The following ITGB1 variants were observed in gnomAD, a reference collection of about 807,000 sequenced individuals.
The protein encoded by ITGB1 is integrin subunit beta 1, also known as integrin beta-1.
A neutral mutation model predicts 86.5 loss-of-function variants in ITGB1; 24 were observed. The observed-to-expected ratio is 0.28, with a 90% confidence interval of 0.20 to 0.39. The LOEUF (loss-of-function observed/expected upper bound fraction) is 0.39, where lower values mean the gene tolerates loss of function less well. Among genes scored for constraint, ITGB1 ranks in the 10% least tolerant of loss-of-function variants. The pLI is 1.00. For synonymous variants in ITGB1, 323 were observed against 316.8 expected (o/e 1.02, Z -0.21); for missense variants, 556 against 946.9 (o/e 0.59, Z 5.42).
At chr10:32,907,698 T>C (rs1220283418) in intron 15 of ITGB1, among the ~76,000 whole-genome samples, 1 of 152,086 alleles carries the variant, frequency 6.6e-6, no homozygotes, top group Admixed American at 6.6e-5. Context: ...CAGAATGTCC[T>C]CTAAATGGAA....
chr10:32,913,277 C>G (rs2094919579), intron 11 of ITGB1, among the ~76,000 whole-genome samples: 1 of 152,192 alleles, frequency 6.6e-6, no homozygotes, highest in Admixed American at 6.5e-5. Context: ...AGAAATGCAC[C>G]TCCTCACCAG....
chr10:32,953,267 T>C (rs1002817017), intron 1 of ITGB1, among the ~76,000 whole-genome samples: 1 of 152,218 alleles, frequency 6.6e-6, no homozygotes, highest in Non-Finnish European at 1.5e-5. Context: ...GTACATTGTA[T>C]AAAACACTCT....
chr10:32,945,515 C>T lies in ITGB1; in HGVS notation c.1-9957G>A, dbSNP rs371621230. Among the ~76,000 whole-genome samples, 39 of 152,072 alleles carry T rather than the reference C, an allele frequency of 2.6e-4. No individual in the cohort carries two copies. The East Asian group carries it at 6.6e-3, about 26-fold the overall frequency. On this transcript the variant is annotated intron_variant, in intron 1 of 15. Transcript: ENST00000302278. ...TCGGGAGGCTGAGGCAGGAGAATGG[C>T]GTGAACCTGGGAGGTGGAGCTTGCA...
At chr10:32,928,614 T>G (rs1161804554) in intron 4 of ITGB1, among the ~76,000 whole-genome samples, 1 of 152,126 alleles carries the variant, frequency 6.6e-6, no homozygotes, top group African/African-American at 2.4e-5. Context: ...TACAACTGAC[T>G]TTTTAGACAC....
intron 1 of ITGB1, among the ~76,000 whole-genome samples, chr10:32,941,538 ATCC>A (rs2095018281): frequency 6.6e-6 from 1 of 152,210 alleles, no homozygotes; most frequent in Non-Finnish European, 1.5e-5. Context: ...GCCAAATACC[ATCC>A]ATGCTAAAAG....
intron 2 of ITGB1, chr10:32,933,254 T>C (rs1435930304): frequency 6.6e-6 from 1 of 152,152 alleles, no homozygotes; most frequent in Non-Finnish European, 1.5e-5. Context: ...CAAGACATAA[T>C]TCAGAATTTA....
At chr10:32,945,284 G>T (rs879874745) in intron 1 of ITGB1, among the ~76,000 whole-genome samples, 1 of 152,106 alleles carries the variant, frequency 6.6e-6, no homozygotes, top group Admixed American at 6.6e-5. Flanking sequence ...ACAATTGGTA[G>T]TAATCTAACT....
At chr10:32,922,574 A>G in intron 8 of ITGB1, 66 bp downstream of exon 8, 1 of 1,025,662 alleles carries the variant, frequency 9.7e-7, no homozygotes, top group South Asian at 1.5e-5. Context: ...ATTTCAATTC[A>G]GACATGATTT....
chr10:32,936,612 A>G (rs541135119), intron 1 of ITGB1, among the ~76,000 whole-genome samples: 1 of 152,222 alleles, frequency 6.6e-6, no homozygotes, highest in South Asian at 2.1e-4. Flanking sequence ...GTAATATTCT[A>G]TATACTAAAT....
intron 11 of ITGB1, among the ~76,000 whole-genome samples, chr10:32,914,247 C>A (rs906127104): frequency 2.0e-5 from 3 of 152,202 alleles, no homozygotes; most frequent in Non-Finnish European, 2.9e-5. Context: ...TAGGAAGAAA[C>A]TGCATCAGCT....
chr10:32,908,431 T>A lies in ITGB1; in HGVS notation c.2268A>T (p.Ile756=). Reference sequence around the variant, plus strand: ...TAGCAAACTCCCTTCTGTCATGAATTATCATTAAAAGCTTCCATATCAGCA... The same window carrying A: ...TAGCAAACTCCCTTCTGTCATGAATAATCATTAAAAGCTTCCATATCAGCA... ...ALLLIWKLLM[I]IHDRREFAKF... The change falls in exon 15 of 16, where the codon ATA becomes ATT. Residue 756 remains isoleucine (I), a synonymous_variant. Transcript: ENST00000302278. 6.2e-7 allele frequency: 1 copy of A among 1,613,222 alleles called. No homozygotes were observed. The highest frequency in any genetic ancestry group is 8.5e-7 in the Non-Finnish European group (1 of 1,179,166).
rs1565823239 is a variant in ITGB1, at chr10:32,919,934, T to C, written c.1420A>G (p.Ser474Gly). The C allele has an allele frequency of 6.2e-7, 1 of 1,614,152 alleles. No homozygotes were observed. The highest frequency in any genetic ancestry group is 8.5e-7 in the Non-Finnish European group (1 of 1,180,006). ...CCATTTCCTTCATGACACTTGGGAC[T>C]TTCAGGGATGCCTTCGCTTTGGCAT... ...CECQSEGIPE[S>G]PKCHEGNGTF... Residue 474 changes from serine to glycine, a missense_variant, in exon 11 of 16, where the codon AGT becomes GGT. By Grantham distance (56) the Ser-to-Gly change is moderately conservative (BLOSUM62 0). Coordinates refer to ENST00000302278, the MANE Select transcript of ITGB1 (RefSeq NM_002211.4).
At chr10:32,928,788 CAA>C (rs2094973764) in intron 4 of ITGB1, among the ~76,000 whole-genome samples, 1 of 150,882 alleles carries the variant, frequency 6.6e-6, no homozygotes, top group Non-Finnish European at 1.5e-5. Context: ...CATTATGAGG[CAA>C]AGAGACTAGC....
At chr10:32,941,648 A>C (rs527429794) in intron 1 of ITGB1, among the ~76,000 whole-genome samples, 2 of 152,118 alleles carry the variant, frequency 1.3e-5, no homozygotes, top group Non-Finnish European at 2.9e-5. Flanking sequence ...CAGTGGAGAA[A>C]AGGACAGGGG....
intron 3 of ITGB1, among the ~76,000 whole-genome samples, chr10:32,930,346 G>A (rs11009152): frequency 2.0e-5 from 3 of 151,968 alleles, no homozygotes; most frequent in Non-Finnish European, 2.9e-5. Context: ...ATCACTAATT[G>A]AGCATGGTTA....
rs1474589579 is a variant in ITGB1 at position 32,908,378 on chromosome 10, T to C, written c.2321A>G (p.Lys774Arg). Reference protein sequence around the residue: ...AKFEKEKMNAKWDTGENPIYK... With the variant: ...AKFEKEKMNARWDTGENPIYK... ...TGTTTTGTAACTTACCGTGTCCCAT[T>C]TGGCATTCATTTTCTCCTTTTCAAA... Residue 774 changes from lysine to arginine, a missense_variant, in exon 15 of 16, where the codon AAA (lysine) becomes AGA (arginine). This residue lies in a region of ITGB1 where 18 missense variants were observed against 75.2 expected (regional missense o/e 0.24). Transcript: ENST00000302278. 1 of 1,613,940 alleles carries C rather than the reference T, an allele frequency of 6.2e-7. No individual in the cohort carries two copies. The highest frequency in any genetic ancestry group is 1.3e-5 in the African/African-American group (1 of 74,950).
At chr10:32,907,089 C>A (rs200899694) in intron 15 of ITGB1, 2 of 1,359,614 alleles carry the variant, frequency 1.5e-6, no homozygotes, top group Non-Finnish European at 9.8e-7. Context: ...GCTTTACGTC[C>A]GTAGTTTGGA....
chr10:32,937,978 C>T (rs1030221735), intron 1 of ITGB1, among the ~76,000 whole-genome samples: 1 of 152,166 alleles, frequency 6.6e-6, no homozygotes, highest in African/African-American at 2.4e-5. Flanking sequence ...TCTGAGCACC[C>T]GAGAGAAAAG....
chr10:32,947,164 T>G (rs533337651), intron 1 of ITGB1, among the ~76,000 whole-genome samples: 1 of 152,208 alleles, frequency 6.6e-6, no homozygotes, highest in African/African-American at 2.4e-5. Context: ...TTATAAAACT[T>G]TCTATAATGC....
Sources: gnomAD v4.1 joint callset for allele counts (sites outside exome capture counted in the v4.1 genomes callset) on GRCh38, gnomAD v4.1.1 for gene constraint, gnomAD v4.1.1 regional missense constraint, MANE v1.5 for transcripts, NCBI Gene and HGNC (gene_info 2026-07-23, HGNC 2026-07-21) for gene names.